TRPM6: variants seen among roughly 807,000 people sequenced by gnomAD.
TRPM6 encodes channel kinase 2.
TRPM6 carries 111 observed loss-of-function variants against 247.6 expected under a neutral mutation model. That is an observed-to-expected ratio of 0.45 (90% CI 0.38 to 0.52). The LOEUF (loss-of-function observed/expected upper bound fraction) is 0.52, where lower values mean the gene tolerates loss of function less well. Among genes scored for constraint, TRPM6 ranks in the 20% least tolerant of loss-of-function variants. The pLI is 0.00. For missense variants in TRPM6, 2,126 were observed against 2,421.5 expected (o/e 0.88, Z 2.56); for synonymous variants, 892 against 853.8 (o/e 1.04, Z -0.78).
chr9:74,727,741 AT>A (rs986464745), intron 38 of TRPM6, among the ~76,000 whole-genome samples: 4 of 152,108 alleles, frequency 2.6e-5, no homozygotes, highest in South Asian at 2.1e-4. Context: ...ATTTAAAAAA[AT>A]ATATGTTGCA....
At chr9:74,792,599 C>A (rs760545236) in intron 19 of TRPM6, 25 bp downstream of exon 19, 3 of 1,609,872 alleles carry the variant, frequency 1.9e-6, no homozygotes, top group African/African-American at 2.7e-5. Flanking sequence ...ATTAATCCGA[C>A]ATATATTGTT....
At chr9:74,782,551 A>ACAT in intron 22 of TRPM6, 75 bp from the exon 23 acceptor site, 1 of 1,439,040 alleles carries the variant, frequency 6.9e-7, no homozygotes, top group Admixed American at 1.7e-5. Context: ...CACATTTAGC[A>ACAT]CATTAACTGC....
chr9:74,849,278 G>A (rs557584255), intron 3 of TRPM6, among the ~76,000 whole-genome samples: 2 of 150,934 alleles, frequency 1.3e-5, no homozygotes, highest in South Asian at 4.2e-4. Flanking sequence ...TTGAACCCAG[G>A]AGGCGGAGGT....
rs3812514 is a variant in TRPM6 at position 74,776,293 on chromosome 9, G to A, written c.3210-217C>T. 2.0e-4 allele frequency: 103 copies of A among 503,306 alleles called. No homozygotes were observed. The East Asian group carries it at 4.0e-3, about 19-fold the overall frequency. 31.2% of individuals were successfully genotyped at this position (503,306 alleles called of 1,614,324 possible). The stretch of plus-strand genomic sequence containing the variant: ...TGCTAATCAGAATAACAAGCAGAAG[G>A]CAGACATTACAATCAGAGAAAAGAA... On this transcript the variant is annotated intron_variant, in intron 23 of 38. Transcript: ENST00000360774.
intron 30 of TRPM6, among the ~76,000 whole-genome samples, chr9:74,748,790 T>A (rs1260960287): frequency 6.6e-6 from 1 of 152,192 alleles, no homozygotes; most frequent in African/African-American, 2.4e-5. Flanking sequence ...CTAAGGTTAA[T>A]TGGTTATTTT....
chr9:74,798,210 T>C (rs1828168493), intron 17 of TRPM6, among the ~76,000 whole-genome samples: 1 of 152,058 alleles, frequency 6.6e-6, no homozygotes, highest in Admixed American at 6.6e-5. Flanking sequence ...TTAAATTGAC[T>C]AGTTGGCATT....
At position 74,874,364 on chromosome 9, in the gene TRPM6, A is replaced by G. The variant is rs374463474; in HGVS notation, c.33+13460T>C. On this transcript the variant is annotated intron_variant, in intron 1 of 38. Coordinates refer to ENST00000360774, the MANE Select transcript of TRPM6 (RefSeq NM_017662.5). ...GACAGATAGGACACTATCATCTGCTAGGCTGAAATTTCCCAACTTCTCTTT... is the reference window on the plus strand; with the variant it reads ...GACAGATAGGACACTATCATCTGCTGGGCTGAAATTTCCCAACTTCTCTTT... Among the ~76,000 whole-genome samples the G allele has an allele frequency of 5.9e-5, 9 of 152,290 alleles. No homozygotes were observed. In the South Asian group the frequency reaches 1.7e-3, roughly 28 times the overall value.
chr9:74,765,367 G>T (rs1259811749), intron 25 of TRPM6, among the ~76,000 whole-genome samples: 1 of 148,358 alleles, frequency 6.7e-6, no homozygotes. Flanking sequence ...AAAAAAAACA[G>T]GATACAAAAT....
At chr9:74,863,495 C>A (rs78399129) in intron 1 of TRPM6, among the ~76,000 whole-genome samples, 3,664 of 152,294 alleles carry the variant, frequency 0.024, 140 homozygotes, top group African/African-American at 0.08. Context: ...TGTATTTCCA[C>A]TTTATGGCTT....
chr9:74,792,561 T>C (rs1827942637), intron 19 of TRPM6, 63 bp downstream of exon 19: 6 of 1,554,120 alleles, frequency 3.9e-6, no homozygotes, highest in Non-Finnish European at 5.3e-6. Flanking sequence ...AGGCATATTA[T>C]CAACATCATC....
chr9:74,724,481 AAGG>A lies in TRPM6; in HGVS notation c.*129_*131del, dbSNP rs1181796393. ...ATATACCAATGAGGCCTTTGAACAG[AAGG>A]AGATGTGAGGCTCAGAAGGCGTGTC... On this transcript the variant is annotated 3_prime_UTR_variant, in exon 39 of 39. Coordinates refer to ENST00000360774, the MANE Select transcript of TRPM6 (RefSeq NM_017662.5). 5 of 1,320,826 alleles carry A rather than the reference AAGG, an allele frequency of 3.8e-6. No homozygotes were observed. Among genetic ancestry groups the A allele is most frequent in the South Asian group, 3.6e-5 (3 of 82,478 alleles). The allele number at this position is 1,320,826 out of a possible 1,614,324, so 81.8% of individuals were successfully genotyped here.
chr9:74,887,155 G>C, intron 1 of TRPM6: 5 of 903,742 alleles, frequency 5.5e-6, no homozygotes, highest in South Asian at 4.8e-5. Context: ...AGGAGCCAGC[G>C]GGGACTCCTG....
At chr9:74,861,348 G>C (rs1830685062) in intron 1 of TRPM6, among the ~76,000 whole-genome samples, 1 of 152,222 alleles carries the variant, frequency 6.6e-6, no homozygotes, top group Admixed American at 6.5e-5. Flanking sequence ...GGAGGAAACA[G>C]ATAAGAAACT....
intron 8 of TRPM6, among the ~76,000 whole-genome samples, chr9:74,821,139 T>G (rs1022577915): frequency 1.3e-5 from 2 of 152,206 alleles, no homozygotes; most frequent in African/African-American, 4.8e-5. Flanking sequence ...AGAAATATCA[T>G]GCTTTTGAAA....
chr9:74,769,281 G>C (rs1002123586), intron 25 of TRPM6, among the ~76,000 whole-genome samples: 1 of 152,116 alleles, frequency 6.6e-6, no homozygotes, highest in African/African-American at 2.4e-5. Context: ...GAGCAGCTGG[G>C]ACTACAGGCA....
At chr9:74,788,046 G>A (rs549145415) in intron 20 of TRPM6, among the ~76,000 whole-genome samples, 6 of 151,642 alleles carry the variant, frequency 4.0e-5, no homozygotes, top group East Asian at 1.9e-4. Flanking sequence ...AACTCATTAC[G>A]AACTAGAAAT....
chr9:74,836,939 T>C (rs1322634520), intron 5 of TRPM6, among the ~76,000 whole-genome samples: 1 of 152,222 alleles, frequency 6.6e-6, no homozygotes, highest in Non-Finnish European at 1.5e-5. Flanking sequence ...CAGTTGAAAC[T>C]AGAATTCATG....
At chr9:74,799,523 T>C (rs534783705) in intron 17 of TRPM6, among the ~76,000 whole-genome samples, 5 of 144,996 alleles carry the variant, frequency 3.4e-5, no homozygotes, top group Non-Finnish European at 7.5e-5. Flanking sequence ...CAGTCACTTA[T>C]TCTCTCAAAA....
At chr9:74,744,306 A>G (rs1284097905) in intron 31 of TRPM6, 161 bp from the exon 32 acceptor site, 1 of 725,304 alleles carries the variant, frequency 1.4e-6, no homozygotes, top group Admixed American at 2.0e-5. Context: ...AGTATTGCGC[A>G]TGGTATCCTG....
Sources: gnomAD v4.1 joint callset for allele counts (sites outside exome capture counted in the v4.1 genomes callset) on GRCh38, gnomAD v4.1.1 for gene constraint, MANE v1.5 for transcripts, NCBI Gene and HGNC (gene_info 2026-07-23, HGNC 2026-07-21) for gene names.